The following ATP2B4 variants were observed in gnomAD, a reference collection of about 807,000 sequenced individuals.
The protein encoded by ATP2B4 is plasma membrane calcium-transporting ATPase 4.
ATP2B4 carries 39 observed loss-of-function variants against 110.3 expected under a neutral mutation model. The ratio of observed to expected loss-of-function variants is 0.35; its 90% CI spans 0.27 to 0.46. The LOEUF is 0.46. Among genes scored for constraint, ATP2B4 ranks in the 20% least tolerant of loss-of-function variants. The pLI is 1.00. For synonymous variants in ATP2B4, 538 were observed against 571.7 expected (o/e 0.94, Z 0.84); for missense variants, 1,135 against 1,530.9 (o/e 0.74, Z 4.32).
chr1:203,728,184 A>G (rs1215441798), intron 20 of ATP2B4: 1 of 469,200 alleles, frequency 2.1e-6, no homozygotes, highest in African/African-American at 2.0e-5. Flanking sequence ...GCTTCCTGAC[A>G]AGGAGGAAGC....
intron 2 of ATP2B4, among the ~76,000 whole-genome samples, chr1:203,684,951 C>T (rs11240741): frequency 0.028 from 4,332 of 152,220 alleles, 222 homozygotes; most frequent in African/African-American, 0.1. Flanking sequence ...GCAACCTCCA[C>T]CTCCTGGATT....
At chr1:203,706,321 G>A (rs909847926) in intron 8 of ATP2B4, among the ~76,000 whole-genome samples, 9 of 152,156 alleles carry the variant, frequency 5.9e-5, no homozygotes, top group Admixed American at 2.0e-4. Context: ...AGACTTCCCA[G>A]TACTTTCATT....
In ATP2B4 at chr1:203,700,290, A is replaced by G; in HGVS notation, c.734A>G (p.His245Arg). The G allele has an allele frequency of 6.2e-7, 1 of 1,613,996 alleles. No homozygotes were observed. The highest frequency in any genetic ancestry group is 8.5e-7 in the Non-Finnish European group (1 of 1,179,914). The change falls in exon 5 of 21, where the codon CAT becomes CGT. Residue 245 changes from histidine (H) to arginine (R), a missense_variant. Around this residue, in one of 9 missense-constraint regions of ATP2B4, gnomAD observed 101 missense variants for 182.6 expected, o/e 0.55. Coordinates refer to ENST00000357681, the MANE Select transcript of ATP2B4 (RefSeq NM_001684.5). ...AGCTCTCTGACAGGGGAATCTGACCATGTCAAGAAGTCCCTGGACAAAGAC... is the reference window on the plus strand; with the variant it reads ...AGCTCTCTGACAGGGGAATCTGACCGTGTCAAGAAGTCCCTGGACAAAGAC... ...DESSLTGESD[H>R]VKKSLDKDPM...
At chr1:203,730,704 A>G (rs1399316458) in intron 20 of ATP2B4, among the ~76,000 whole-genome samples, 4 of 152,136 alleles carry the variant, frequency 2.6e-5, no homozygotes, top group Non-Finnish European at 4.4e-5. Flanking sequence ...CCCTCTCTAC[A>G]AGGTCTTTTT....
Position 203,683,222 on chromosome 1 carries a change from A to G in ATP2B4, c.17A>G (p.Asp6Gly). The G allele has an allele frequency of 6.2e-7, 1 of 1,613,998 alleles. No homozygotes were observed. MTNPS[D>G]RVLPANSMAE... ...GCAGGCAAAATGACGAACCCATCAG[A>G]CCGTGTCTTGCCTGCCAACTCGATG... Residue 6 changes from aspartate (D) to glycine (G), a missense_variant, in exon 2 of 21, where the codon GAC (aspartate) becomes GGC (glycine). Physicochemically the swap from Asp to Gly is moderately conservative, Grantham distance 94 (BLOSUM62 -1). Transcript: ENST00000357681.
intron 20 of ATP2B4, among the ~76,000 whole-genome samples, chr1:203,729,418 G>A (rs1274776214): frequency 6.6e-6 from 1 of 151,622 alleles, no homozygotes; most frequent in Non-Finnish European, 1.5e-5. Flanking sequence ...GGTGGTGGGC[G>A]CCTGTAATCC....
intron 1 of ATP2B4, among the ~76,000 whole-genome samples, chr1:203,628,575 C>T (rs1663161437): frequency 6.6e-6 from 1 of 152,160 alleles, no homozygotes. Flanking sequence ...TCCCATTCTG[C>T]AGCGCCCCCC....
intron 1 of ATP2B4, among the ~76,000 whole-genome samples, chr1:203,670,921 A>T (rs1346914920): frequency 6.6e-6 from 1 of 152,186 alleles, no homozygotes; most frequent in African/African-American, 2.4e-5. Flanking sequence ...CCATGGTGGC[A>T]TCTGGGAGAC....
chr1:203,707,746 T>C (rs1665891356), intron 9 of ATP2B4, 116 bp from the exon 10 acceptor site: 1 of 1,412,070 alleles, frequency 7.1e-7, no homozygotes, highest in African/African-American at 1.4e-5. Flanking sequence ...CTTGGATTTT[T>C]GTGTGGGACT....
At chr1:203,737,995 T>C (rs1051812949) in intron 20 of ATP2B4, among the ~76,000 whole-genome samples, 3 of 152,200 alleles carry the variant, frequency 2.0e-5, no homozygotes, top group African/African-American at 7.2e-5. Flanking sequence ...CCAACCAGTT[T>C]ATTTGGCTGA....
At chr1:203,738,910 G>A (rs1235169800) in intron 20 of ATP2B4, among the ~76,000 whole-genome samples, 4 of 152,184 alleles carry the variant, frequency 2.6e-5, no homozygotes, top group Non-Finnish European at 4.4e-5. Context: ...CTGGCTGAAA[G>A]GGCAAATTAT....
At chr1:203,682,039 A>G (rs925932319) in intron 1 of ATP2B4, among the ~76,000 whole-genome samples, 1 of 152,144 alleles carries the variant, frequency 6.6e-6, no homozygotes, top group African/African-American at 2.4e-5. Flanking sequence ...CCTCAGAACA[A>G]AACTTGGTGC....
At chr1:203,658,270 T>C (rs1352697134) in intron 1 of ATP2B4, among the ~76,000 whole-genome samples, 2 of 151,636 alleles carry the variant, frequency 1.3e-5, no homozygotes, top group Non-Finnish European at 2.9e-5. Context: ...TGCCTTATAG[T>C]CCTAGCACTC....
chr1:203,665,205 T>C (rs1050354690), intron 1 of ATP2B4, among the ~76,000 whole-genome samples: 2 of 152,192 alleles, frequency 1.3e-5, no homozygotes, highest in African/African-American at 4.8e-5. Flanking sequence ...GGATTTCATC[T>C]CCCAAACCAC....
intron 2 of ATP2B4, among the ~76,000 whole-genome samples, chr1:203,685,741 CCT>C (rs1431629534): frequency 6.6e-6 from 1 of 152,198 alleles, no homozygotes; most frequent in Non-Finnish European, 1.5e-5. Flanking sequence ...ACTCAGCCTC[CCT>C]GAGTCTGTTT....
chr1:203,699,760 C>A lies in ATP2B4; in HGVS notation c.649+43C>A, dbSNP rs372840559. 15 of 1,606,776 alleles carry A rather than the reference C, an allele frequency of 9.3e-6. No homozygotes were observed. The South Asian group carries it at 1.6e-4, about 17-fold the overall frequency. ...CTTTTGCTTACCCCACCACCACCCC[C>A]ATTTAAGGGATAGGTCCTTTGGCAT... On this transcript the variant is annotated intron_variant, in intron 4 of 20. Transcript: ENST00000357681.
chr1:203,722,059 A>G (rs544015024), intron 17 of ATP2B4, among the ~76,000 whole-genome samples: 1 of 152,324 alleles, frequency 6.6e-6, no homozygotes, highest in East Asian at 1.9e-4. Context: ...ACTCCAGCGC[A>G]CATAGTCTTA....
rs1378310093 is a variant in ATP2B4 at position 203,657,294 on chromosome 1, GTAACCACCC to G, written c.-464-25446_-464-25438del. On this transcript the variant is annotated intron_variant, in intron 1 of 20. Transcript: ENST00000357681. ...GCCATCTCCGACAAAGCAGAGTTTA[GTAACCACCC>G]TCTTCCATGCCTTCTTCTTTCTCTT... The G allele has an allele frequency of 1.3e-4, 93 of 731,472 alleles. 1 individual carries two copies. The highest frequency in any genetic ancestry group is 2.2e-4 in the Non-Finnish European group (88 of 399,886). 45.3% of individuals were successfully genotyped at this position (731,472 alleles called of 1,614,324 possible).
intron 19 of ATP2B4, 68 bp from the exon 20 acceptor site, chr1:203,727,327 T>G (rs1442636519): frequency 6.4e-7 from 1 of 1,572,472 alleles, no homozygotes; most frequent in Non-Finnish European, 8.6e-7. Flanking sequence ...GCCTGGCTCA[T>G]GTAAGTTGAC....
Sources: gnomAD v4.1 joint callset for allele counts (sites outside exome capture counted in the v4.1 genomes callset) on GRCh38, gnomAD v4.1.1 for gene constraint, gnomAD v4.1.1 regional missense constraint, MANE v1.5 for transcripts, NCBI Gene and HGNC (gene_info 2026-07-23, HGNC 2026-07-21) for gene names.